The following F11 variants were observed in gnomAD, a reference collection of about 807,000 sequenced individuals.
F11 encodes the protein coagulation factor XI, also known as coagualtion factor XI.
In F11, 78 loss-of-function variants were observed where a neutral mutation model predicts 76.5. That is an observed-to-expected ratio of 1.02 (90% CI 0.85 to 1.23). The LOEUF (loss-of-function observed/expected upper bound fraction) is 1.23, where lower values mean the gene tolerates loss of function less well. Among genes scored for constraint, F11 ranks in the 50% most tolerant of loss-of-function variants. The pLI is 0.00. For missense variants in F11, 742 were observed against 771.4 expected (o/e 0.96, Z 0.45); for synonymous variants, 278 against 276.3 (o/e 1.01, Z -0.06).
At chr4:186,267,600 T>C (rs1352984748) in intron 2 of F11, among the ~76,000 whole-genome samples, 1 of 152,246 alleles carries the variant, frequency 6.6e-6, no homozygotes, top group African/African-American at 2.4e-5. Context: ...ACACAGTTTA[T>C]GCATTTCAAT....
rs1473432467 is a variant in F11, at chr4:186,280,217, G to C, written c.866-6G>C. The C allele has an allele frequency of 7.4e-6, 12 of 1,614,156 alleles. No individual in the cohort carries two copies. The highest frequency in any genetic ancestry group is 1.0e-5 in the Non-Finnish European group (12 of 1,180,032). On this transcript the variant is annotated splice_region_variant and splice_polypyrimidine_tract_variant and intron_variant, in intron 8 of 14. Transcript: ENST00000403665. The stretch of plus-strand genomic sequence containing the variant: ...GTCTCACTCTGACATGTGGTCTGCT[G>C]TCTAGTGTTCTGCCATTCTTCATTT...
chr4:186,275,250 G>T, intron 5 of F11: 1 of 452,360 alleles, frequency 2.2e-6, no homozygotes, highest in Non-Finnish European at 4.4e-6. Flanking sequence ...CAGCACTTTG[G>T]GAGGCCGAGG....
At chr4:186,275,641 G>A (rs1338895339) in intron 5 of F11, 146 bp from the exon 6 acceptor site, 7 of 683,080 alleles carry the variant, frequency 1.0e-5, no homozygotes, top group Non-Finnish European at 1.9e-5. Context: ...AACACTGCTG[G>A]GACCATGCCC....
intron 7 of F11, among the ~76,000 whole-genome samples, chr4:186,278,067 G>A (rs1280539458): frequency 6.6e-6 from 1 of 152,212 alleles, no homozygotes; most frequent in African/African-American, 2.4e-5. Flanking sequence ...CCACAGTGCA[G>A]GGATTACAAG....
chr4:186,269,872 C>T (rs896974218), intron 2 of F11, among the ~76,000 whole-genome samples: 2 of 152,162 alleles, frequency 1.3e-5, no homozygotes, highest in African/African-American at 2.4e-5. Context: ...TGGAAGAGAA[C>T]TTTCATCAGC....
Position 186,280,204 on chromosome 4 carries a change from CAT to C in F11, c.866-18_866-17del. ...ATGCTGAGGGAGGGTCTCACTCTGA[CAT>C]GTGGTCTGCTGTCTAGTGTTCTGCC... is the stretch of plus-strand genomic sequence containing the variant. On this transcript the variant is annotated splice_polypyrimidine_tract_variant and intron_variant, in intron 8 of 14. Coordinates refer to ENST00000403665, the MANE Select transcript of F11 (RefSeq NM_000128.4). 6.2e-7 allele frequency: 1 copy of C among 1,614,154 alleles called. No individual in the cohort carries two copies. The highest frequency in any genetic ancestry group is 8.5e-7 in the Non-Finnish European group (1 of 1,180,008).
At chr4:186,280,856 CTTTTTTTTTT>C (rs33985758) in intron 10 of F11, among the ~76,000 whole-genome samples, 3 of 108,182 alleles carry the variant, frequency 2.8e-5, no homozygotes, top group African/African-American at 1.0e-4. Flanking sequence ...TTCTTTCTTT[CTTTTTTTTTT>C]TTTTTTTTTT....
At chr4:186,286,806 G>A (rs993120760) in intron 13 of F11, 4 of 739,476 alleles carry the variant, frequency 5.4e-6, no homozygotes, top group Non-Finnish European at 6.6e-6. Flanking sequence ...TTACTTTCTT[G>A]GGAAGTCATT....
intron 5 of F11, chr4:186,275,334 A>T: frequency 2.8e-6 from 1 of 351,448 alleles, no homozygotes; most frequent in Non-Finnish European, 5.6e-6. Context: ...CTACTAAAAA[A>T]GAATACAAAA....
At chr4:186,269,589 C>A (rs554705321) in intron 2 of F11, among the ~76,000 whole-genome samples, 1 of 152,062 alleles carries the variant, frequency 6.6e-6, no homozygotes, top group Non-Finnish European at 1.5e-5. Context: ...TTGCCAGGGG[C>A]CGAGGGGCCA....
At chr4:186,272,918 C>A in intron 3 of F11, 153 bp from the exon 4 acceptor site, 1 of 604,676 alleles carries the variant, frequency 1.7e-6, no homozygotes, top group Non-Finnish European at 3.0e-6. Flanking sequence ...AAGTAAAAAA[C>A]AAACTCAGAA....
chr4:186,266,269 G>A lies in F11; in HGVS notation c.-28G>A, dbSNP rs895188824. ...AAAAGCACCCTTATTAAGAATTGCAGCAAGTAAGCCAACAAGGTCTTTTCA... is the reference window on the plus strand; with the variant it reads ...AAAAGCACCCTTATTAAGAATTGCAACAAGTAAGCCAACAAGGTCTTTTCA... On this transcript the variant is annotated 5_prime_UTR_variant, in exon 1 of 15. Coordinates refer to ENST00000403665, the MANE Select transcript of F11 (RefSeq NM_000128.4). 2 of 152,190 alleles carry A rather than the reference G, an allele frequency of 1.3e-5. No individual in the cohort carries two copies. The highest frequency in any genetic ancestry group is 2.9e-5 in the Non-Finnish European group (2 of 68,032). The allele number at this position is 152,190 out of a possible 1,614,324, so 9.4% of individuals were successfully genotyped here.
chr4:186,284,215 T>C lies in F11; in HGVS notation c.1259T>C (p.Ile420Thr), dbSNP rs769669614. 1 of 1,614,218 alleles carries C rather than the reference T, an allele frequency of 6.2e-7. No homozygotes were observed. The highest frequency in any genetic ancestry group is 8.5e-7 in the Non-Finnish European group (1 of 1,180,040). ...PTQRHLCGGS[I>T]IGNQWILTAA... Reference sequence around the variant, plus strand: ...CAGAGACACCTGTGTGGAGGCTCCATCATTGGAAACCAGTGGATATTAACA... The same window carrying C: ...CAGAGACACCTGTGTGGAGGCTCCACCATTGGAAACCAGTGGATATTAACA... Residue 420 changes from isoleucine to threonine, a missense_variant, in exon 11 of 15, where the codon ATC becomes ACC. Coordinates refer to ENST00000403665, the MANE Select transcript of F11 (RefSeq NM_000128.4).
intron 1 of F11, among the ~76,000 whole-genome samples, chr4:186,266,755 GGAAA>G (rs1173293633): frequency 7.2e-5 from 11 of 152,024 alleles, no homozygotes; most frequent in African/African-American, 2.7e-4. Context: ...GAGGCCTCAA[GGAAA>G]GAAAGAAAGG....
chr4:186,273,244 G>C, intron 4 of F11, 67 bp downstream of exon 4: 1 of 1,246,274 alleles, frequency 8.0e-7, no homozygotes, highest in Non-Finnish European at 1.2e-6. Flanking sequence ...ATCGGATGTG[G>C]TTTTAAGGCT....
In F11 at chr4:186,280,265, GAGA is replaced by G; in HGVS notation, c.913_915del (p.Glu305del). The G allele has an allele frequency of 1.9e-6, 3 of 1,614,142 alleles. No homozygotes were observed. The highest frequency in any genetic ancestry group is 2.5e-6 in the Non-Finnish European group (3 of 1,180,036). On this transcript the variant is annotated inframe_deletion, in exon 9 of 15. Coordinates refer to ENST00000403665, the MANE Select transcript of F11 (RefSeq NM_000128.4). The stretch of plus-strand genomic sequence containing the variant: ...TTTTACCATGACACTGATTTCTTGG[GAGA>G]AGAACTGGATATTGTTGCTGCAAAA...
chr4:186,290,686 T>A (rs1055132082), downstream of F11: 20 of 152,336 alleles, frequency 1.3e-4, no homozygotes, highest in African/African-American at 4.3e-4. Flanking sequence ...AAATATACAA[T>A]GAGGAGATCT....
Position 186,284,254 on chromosome 4 carries a change from T to C in F11, c.1298T>C (p.Phe433Ser). 6.2e-7 allele frequency: 1 copy of C among 1,613,696 alleles called. No homozygotes were observed. Among genetic ancestry groups the C allele is most frequent in the South Asian group, 1.1e-5 (1 of 91,058 alleles). Residue 433 changes from phenylalanine (F) to serine (S), a missense_variant, in exon 11 of 15, where the codon TTC becomes TCC. Phe to Ser is a radical substitution (Grantham distance 155). Transcript: ENST00000403665. ...NQWILTAAHC[F>S]YGVESPKILR... is the part of the protein sequence containing the mutation. ...TGGATATTAACAGCCGCTCACTGTTTCTATGGGTCAGTACCACGGCTGTTT... is the reference window on the plus strand; with the variant it reads ...TGGATATTAACAGCCGCTCACTGTTCCTATGGGTCAGTACCACGGCTGTTT...
Position 186,274,251 on chromosome 4 carries a change from G to T in F11, c.461G>T (p.Arg154Met), listed in dbSNP as rs369850780. Residue 154 changes from arginine (R) to methionine (M), a missense_variant, in exon 5 of 15, where the codon AGG becomes ATG. Coordinates refer to ENST00000403665, the MANE Select transcript of F11 (RefSeq NM_000128.4). ...VHCHFFTYAT[R>M]QFPSLEHRNI... ...TGCCACTTTTTCACGTACGCCACAAGGCAGTTTCCCAGCCTGGAGCATCGG... is the reference window on the plus strand; with the variant it reads ...TGCCACTTTTTCACGTACGCCACAATGCAGTTTCCCAGCCTGGAGCATCGG... 54 of 1,614,110 alleles carry T rather than the reference G, an allele frequency of 3.3e-5. No homozygotes were observed. The African/African-American group carries it at 6.7e-4, about 20-fold the overall frequency.
Sources: allele counts gnomAD v4.1 joint callset (sites outside exome capture counted in the v4.1 genomes callset), GRCh38; gene constraint gnomAD v4.1.1; transcripts MANE v1.5; gene names NCBI Gene and HGNC (gene_info 2026-07-23, HGNC 2026-07-21).